Variants in SGCZ observed in about 807,000 individuals in gnomAD.
The protein encoded by SGCZ is zeta-sarcoglycan.
In SGCZ, 40 loss-of-function variants were observed where a neutral mutation model predicts 41.3. The observed-to-expected ratio is 0.97, with a 90% CI of 0.75 to 1.26. The LOEUF is 1.26. Ranked by LOEUF, SGCZ falls within the 50% of genes most tolerant of loss-of-function variation. SGCZ has a pLI of 0.00. For missense variants in SGCZ, 552 were observed against 369.8 expected (o/e 1.49, Z -4.04); for synonymous variants, 206 against 137.5 (o/e 1.50, Z -3.49).
At chr8:14,198,162 T>C (rs990209333) in intron 4 of SGCZ, among the ~76,000 whole-genome samples, 5 of 152,240 alleles carry the variant, frequency 3.3e-5, no homozygotes, top group African/African-American at 7.2e-5. Context: ...TGAAATCATA[T>C]GCCATCTCAT....
intron 1 of SGCZ, among the ~76,000 whole-genome samples, chr8:14,731,511 G>C (rs996767445): frequency 6.6e-6 from 1 of 152,080 alleles, no homozygotes; most frequent in Non-Finnish European, 1.5e-5. Flanking sequence ...TACTGCACAT[G>C]TATCCTACAA....
At chr8:14,173,515 G>A (rs903908345) in intron 4 of SGCZ, among the ~76,000 whole-genome samples, 1 of 152,082 alleles carries the variant, frequency 6.6e-6, no homozygotes, top group African/African-American at 2.4e-5. Flanking sequence ...AATTCCTTCT[G>A]AAGAAGAAAG....
intron 1 of SGCZ, among the ~76,000 whole-genome samples, chr8:14,813,108 T>C (rs1423522415): frequency 6.6e-6 from 1 of 152,192 alleles, no homozygotes; most frequent in South Asian, 2.1e-4. Flanking sequence ...GAAAACCTGA[T>C]GCATTGCAGA....
chr8:14,695,103 C>G (rs1224189891), intron 1 of SGCZ, among the ~76,000 whole-genome samples: 1 of 151,924 alleles, frequency 6.6e-6, no homozygotes, highest in Non-Finnish European at 1.5e-5. Context: ...AAAATTGATG[C>G]TGATAGACAG....
At chr8:14,731,240 A>G (rs1157427226) in intron 1 of SGCZ, among the ~76,000 whole-genome samples, 1 of 151,766 alleles carries the variant, frequency 6.6e-6, no homozygotes, top group Non-Finnish European at 1.5e-5. Flanking sequence ...TTGCAGGGAC[A>G]TGGATGAAGC....
intron 1 of SGCZ, among the ~76,000 whole-genome samples, chr8:15,040,500 C>A (rs951444607): frequency 6.6e-6 from 1 of 152,026 alleles, no homozygotes; most frequent in Non-Finnish European, 1.5e-5. Context: ...ATCTGTAATC[C>A]CAGCTACTCG....
chr8:14,755,874 G>A (rs976885034), intron 1 of SGCZ, among the ~76,000 whole-genome samples: 1 of 151,766 alleles, frequency 6.6e-6, no homozygotes, highest in Non-Finnish European at 1.5e-5. Context: ...TAAAAAAAAA[G>A]TAAAAATAAA....
intron 1 of SGCZ, among the ~76,000 whole-genome samples, chr8:15,201,032 A>G (rs1232807329): frequency 6.6e-6 from 1 of 152,038 alleles, no homozygotes; most frequent in Non-Finnish European, 1.5e-5. Context: ...TTATCTATTT[A>G]TTTAGACAAA....
intron 1 of SGCZ, among the ~76,000 whole-genome samples, chr8:14,998,707 G>T (rs2130906945): frequency 6.6e-6 from 1 of 152,270 alleles, no homozygotes; most frequent in Admixed American, 6.5e-5. Flanking sequence ...TCAGAGTTTG[G>T]TCCTGTATAG....
At chr8:15,086,213 A>C (rs1410760788) in intron 1 of SGCZ, among the ~76,000 whole-genome samples, 1 of 152,226 alleles carries the variant, frequency 6.6e-6, no homozygotes, top group Non-Finnish European at 1.5e-5. Flanking sequence ...TGCTTCTTGC[A>C]GCAATATCTG....
At chr8:15,045,224 G>A (rs890961617) in intron 1 of SGCZ, among the ~76,000 whole-genome samples, 2 of 151,960 alleles carry the variant, frequency 1.3e-5, no homozygotes, top group African/African-American at 4.8e-5. Flanking sequence ...TATTTCAGAT[G>A]GACAAACAAG....
rs1215493889 is a variant in SGCZ at position 14,518,228 on chromosome 8, G to A, written c.234+36504C>T. Among the ~76,000 whole-genome samples the A allele has an allele frequency of 2.0e-5, 3 of 151,764 alleles. No homozygotes were observed. The East Asian group carries it at 5.8e-4, about 29-fold the overall frequency. The stretch of plus-strand genomic sequence containing the variant: ...TAAAATAATTACCTATTAATATAAA[G>A]CTTGCTATTGTTGGATTTCAAAAGC... On this transcript the variant is annotated intron_variant, in intron 2 of 7. Coordinates refer to ENST00000382080, the MANE Select transcript of SGCZ (RefSeq NM_139167.4).
At chr8:14,363,035 T>C (rs1425639863) in intron 2 of SGCZ, among the ~76,000 whole-genome samples, 1 of 152,202 alleles carries the variant, frequency 6.6e-6, no homozygotes, top group Non-Finnish European at 1.5e-5. Context: ...CAATTTTGTA[T>C]ATTATTTTCA....
At chr8:14,710,399 T>C (rs1386611750) in intron 1 of SGCZ, among the ~76,000 whole-genome samples, 1 of 147,434 alleles carries the variant, frequency 6.8e-6, no homozygotes, top group Admixed American at 6.7e-5. Context: ...AAAGAATAAA[T>C]TAATGGTTCT....
chr8:14,934,516 C>T (rs1800021720), intron 1 of SGCZ, among the ~76,000 whole-genome samples: 1 of 151,554 alleles, frequency 6.6e-6, no homozygotes, highest in African/African-American at 2.4e-5. Context: ...TATAATTAGC[C>T]ATTCAGAAGG....
intron 2 of SGCZ, among the ~76,000 whole-genome samples, chr8:14,385,300 G>A (rs1008940414): frequency 1.3e-5 from 2 of 152,160 alleles, no homozygotes; most frequent in African/African-American, 4.8e-5. Context: ...GCAATTTCTA[G>A]TTGTAAGTTA....
In SGCZ at chr8:14,705,515, C is replaced by T. The variant is rs577000184; in HGVS notation, c.40-150589G>A. Among the ~76,000 whole-genome samples, 67 of 152,024 alleles carry T rather than the reference C, an allele frequency of 4.4e-4. 1 individual carries two copies. The highest frequency in any genetic ancestry group is 1.6e-3 in the African/African-American group (66 of 41,540). On this transcript the variant is annotated intron_variant, in intron 1 of 7. Transcript: ENST00000382080. ...AATAGAGTATTACTGCATTGCAAAC[C>T]TTGTCTCCGATGACTCTCAATTAAT...
At chr8:14,995,367 C>T (rs1471585154) in intron 1 of SGCZ, among the ~76,000 whole-genome samples, 1 of 152,128 alleles carries the variant, frequency 6.6e-6, no homozygotes, top group East Asian at 1.9e-4. Context: ...AGTAAAACTC[C>T]ATTAATGGTT....
At chr8:15,217,197 C>G (rs944341896) in intron 1 of SGCZ, among the ~76,000 whole-genome samples, 11 of 151,980 alleles carry the variant, frequency 7.2e-5, no homozygotes, top group Admixed American at 6.5e-4. Flanking sequence ...GCGGGCGGAT[C>G]ACGAGGTCAG....
Sources: allele counts gnomAD v4.1 joint callset (sites outside exome capture counted in the v4.1 genomes callset), GRCh38; gene constraint gnomAD v4.1.1; transcripts MANE v1.5; gene names NCBI Gene and HGNC (gene_info 2026-07-23, HGNC 2026-07-21).